The following DMD variants were observed in gnomAD, a reference collection of about 807,000 sequenced individuals.
The protein encoded by DMD is mutant dystrophin.
In DMD, 63 loss-of-function variants were observed where a neutral mutation model predicts 330.1. The observed-to-expected ratio is 0.19, with a 90% CI of 0.16 to 0.24. The LOEUF (loss-of-function observed/expected upper bound fraction) is 0.24, where lower values mean the gene tolerates loss of function less well. Among genes scored for constraint, DMD ranks in the 10% least tolerant of loss-of-function variants. The probability of loss-of-function intolerance (pLI) is 1.00; values close to 1 mark genes in which losing one functional copy is unlikely to be tolerated. For synonymous variants in DMD, 1,223 were observed against 959.8 expected (o/e 1.27, Z -5.07); for missense variants, 3,344 against 2,684.1 (o/e 1.25, Z -5.43).
intron 63 of DMD, among the ~76,000 whole-genome samples, chrX:31,242,116 T>G (rs1228677124): frequency 4.6e-5 from 5 of 108,286 alleles, no homozygotes; most frequent in Non-Finnish European, 9.6e-5. Context: ...ATTAGCCAGG[T>G]ATGGCGGTGT....
intron 62 of DMD, among the ~76,000 whole-genome samples, chrX:31,271,300 G>A (rs1364005728): frequency 9.0e-6 from 1 of 111,677 alleles, no homozygotes; most frequent in Non-Finnish European, 1.9e-5. Flanking sequence ...TGAGTCTTGA[G>A]CTCAGAGGGA....
chrX:31,358,700 A>T (rs2058784672), intron 60 of DMD, among the ~76,000 whole-genome samples: 1 of 112,703 alleles, frequency 8.9e-6, no homozygotes, highest in South Asian at 3.6e-4. Context: ...GGTTGTTCCC[A>T]TATTTTCCAT....
rs754870790 is a variant in DMD, at chrX:33,066,461, A to AAAAAGG, written c.32-46262_32-46261insCCTTTT. ...GAGACTCTGTCAAAAAAAAAAAAAA[A>AAAAAGG]AAGGAAGGAAGGAAGGAAAAAGAAA... is the stretch of plus-strand genomic sequence containing the variant. On this transcript the variant is annotated intron_variant, in intron 1 of 78. Transcript: ENST00000357033. 1.1e-3 allele frequency among the ~76,000 whole-genome samples: 91 copies of AAAAAGG among 84,199 alleles called. 1 individual carries two copies. The East Asian group carries it at 0.023, about 22-fold the overall frequency. 73.1% of individuals were successfully genotyped at this position (84,199 alleles called of 115,157 possible).
intron 30 of DMD, among the ~76,000 whole-genome samples, chrX:32,393,739 C>T (rs915972529): frequency 9.1e-6 from 1 of 109,849 alleles, no homozygotes; most frequent in African/African-American, 3.3e-5. Context: ...AAGAAAAGCA[C>T]CAAATAAAGA....
At chrX:33,235,790 A>G (rs1376954279) in intron 1 of DMD, among the ~76,000 whole-genome samples, 1 of 110,024 alleles carries the variant, frequency 9.1e-6, no homozygotes, top group Non-Finnish European at 1.9e-5. Flanking sequence ...GATTAGCGCC[A>G]TCTCCCATGG....
At chrX:32,598,024 C>A (rs1248848369) in intron 12 of DMD, among the ~76,000 whole-genome samples, 1 of 112,142 alleles carries the variant, frequency 8.9e-6, no homozygotes, top group East Asian at 2.8e-4. Context: ...TATTCAAACT[C>A]TATGGCAGGT....
chrX:31,370,156 T>C (rs1158202336), intron 60 of DMD, among the ~76,000 whole-genome samples: 1 of 105,264 alleles, frequency 9.5e-6, no homozygotes, highest in Non-Finnish European at 1.9e-5. Context: ...CTAGGCAAAG[T>C]ATTCTTAGAC....
chrX:31,877,392 T>C (rs185713736), intron 47 of DMD, among the ~76,000 whole-genome samples: 1 of 111,147 alleles, frequency 9.0e-6, no homozygotes, highest in Non-Finnish European at 1.9e-5. Context: ...TCGCAGGAGC[T>C]GTCAGTTGGA....
chrX:31,716,506 G>A (rs1461537239), intron 52 of DMD, among the ~76,000 whole-genome samples: 2 of 111,052 alleles, frequency 1.8e-5, no homozygotes, highest in African/African-American at 3.3e-5. Flanking sequence ...AGCCAAGATC[G>A]CACCATTGCA....
chrX:31,807,650 T>G, intron 50 of DMD, among the ~76,000 whole-genome samples: 1 of 112,193 alleles, frequency 8.9e-6, no homozygotes. Context: ...GTACTACTAC[T>G]TAAGGCCCAA....
intron 29 of DMD, among the ~76,000 whole-genome samples, chrX:32,414,487 T>C (rs936787488): frequency 1.8e-5 from 2 of 112,030 alleles, no homozygotes; most frequent in East Asian, 2.8e-4. Context: ...ACATATTTAA[T>C]CTCCCATTAA....
intron 1 of DMD, among the ~76,000 whole-genome samples, chrX:33,034,344 C>T (rs910850657): frequency 2.2e-4 from 25 of 111,560 alleles, no homozygotes; most frequent in African/African-American, 7.2e-4. Context: ...GAATGGCTTT[C>T]CTGAATTACA....
intron 44 of DMD, among the ~76,000 whole-genome samples, chrX:32,056,897 A>T (rs2096180108): frequency 1.8e-5 from 2 of 111,428 alleles, no homozygotes; most frequent in Non-Finnish European, 3.8e-5. Context: ...TGAACTCAAC[A>T]GTATATTGAA....
intron 41 of DMD, among the ~76,000 whole-genome samples, chrX:32,333,082 C>T (rs926316963): frequency 4.5e-5 from 5 of 111,741 alleles, no homozygotes; most frequent in African/African-American, 1.3e-4. Flanking sequence ...GGATGAAAAA[C>T]TTAACCACCT....
chrX:32,467,174 AG>A (rs2040114482), intron 23 of DMD, among the ~76,000 whole-genome samples: 1 of 112,501 alleles, frequency 8.9e-6, no homozygotes, highest in Non-Finnish European at 1.9e-5. Flanking sequence ...GGTTTGTAAA[AG>A]GTAAGCACAA....
intron 2 of DMD, among the ~76,000 whole-genome samples, chrX:33,009,140 ATG>A (rs1303312269): frequency 2.9e-5 from 1 of 34,306 alleles, no homozygotes; most frequent in Non-Finnish European, 5.4e-5. Flanking sequence ...ATGTATATAT[ATG>A]TGTATATATA....
chrX:32,597,710 G>T (rs927461271), intron 12 of DMD, among the ~76,000 whole-genome samples: 1 of 111,642 alleles, frequency 9.0e-6, no homozygotes, highest in Admixed American at 9.5e-5. Context: ...ATTTTGTAAT[G>T]ATGAACAGGG....
chrX:31,271,567 A>G (rs1409964685), intron 62 of DMD, among the ~76,000 whole-genome samples: 3 of 111,504 alleles, frequency 2.7e-5, no homozygotes, highest in African/African-American at 9.8e-5. Flanking sequence ...GCCTGGAGGG[A>G]TGGTCCCGAG....
chrX:32,799,115 T>G (rs1380876476), intron 7 of DMD, among the ~76,000 whole-genome samples: 1 of 111,453 alleles, frequency 9.0e-6, no homozygotes, highest in Non-Finnish European at 1.9e-5. Flanking sequence ...AAGCCAAGTC[T>G]GAAAGCATTC....
Sources: allele counts gnomAD v4.1 joint callset (sites outside exome capture counted in the v4.1 genomes callset), GRCh38; gene constraint gnomAD v4.1.1; transcripts MANE v1.5; gene names NCBI Gene and HGNC (gene_info 2026-07-23, HGNC 2026-07-21).